IQGAP2: variants seen among roughly 807,000 people sequenced by gnomAD.
IQGAP2 encodes ras GTPase-activating-like protein IQGAP2.
Under a neutral mutation model 201.3 loss-of-function variants are expected in IQGAP2, and 173 were observed. The observed-to-expected ratio is 0.86, with a 90% CI of 0.76 to 0.98. The LOEUF (loss-of-function observed/expected upper bound fraction) is 0.98, where lower values mean the gene tolerates loss of function less well. IQGAP2 is among the 50% of genes least tolerant of loss of function. The probability of loss-of-function intolerance (pLI) is 0.00; values close to 1 mark genes in which losing one functional copy is unlikely to be tolerated. For missense variants in IQGAP2, 1,687 were observed against 1,864.8 expected (o/e 0.90, Z 1.76); for synonymous variants, 675 against 673.9 (o/e 1.00, Z -0.03).
At chr5:76,653,218 C>A (rs2431361) in intron 18 of IQGAP2, among the ~76,000 whole-genome samples, 75,546 of 151,986 alleles carry the variant, frequency 0.5, 19,290 homozygotes, top group Non-Finnish European at 0.56. Context: ...GAACAAAACC[C>A]ATGATAAGAG....
At chr5:76,699,028 A>G (rs916478899) in intron 33 of IQGAP2, among the ~76,000 whole-genome samples, 1 of 152,152 alleles carries the variant, frequency 6.6e-6, no homozygotes, top group Non-Finnish European at 1.5e-5. Context: ...TGTGCAATAC[A>G]TTATTATTAG....
At chr5:76,490,294 G>A (rs1053508009) in intron 2 of IQGAP2, among the ~76,000 whole-genome samples, 15 of 152,164 alleles carry the variant, frequency 9.9e-5, no homozygotes, top group African/African-American at 3.6e-4. Context: ...ACAATATGCA[G>A]TATTCTCAGG....
intron 1 of IQGAP2, among the ~76,000 whole-genome samples, chr5:76,423,126 G>A (rs1421370230): frequency 6.6e-6 from 1 of 152,146 alleles, no homozygotes; most frequent in African/African-American, 2.4e-5. Context: ...TTTCCTGTTT[G>A]TTCCTGCTAT....
intron 1 of IQGAP2, among the ~76,000 whole-genome samples, chr5:76,409,306 A>G (rs9293684): frequency 0.75 from 106,929 of 143,034 alleles, 40,701 homozygotes; most frequent in East Asian, 0.99. Context: ...GAGTGCAGTG[A>G]CATGATCTCA....
chr5:76,637,962 T>C (rs1279066052), intron 16 of IQGAP2, among the ~76,000 whole-genome samples: 2 of 152,232 alleles, frequency 1.3e-5, no homozygotes, highest in African/African-American at 4.8e-5. Flanking sequence ...TTGAAAGCTT[T>C]CTTCTACCAG....
intron 28 of IQGAP2, among the ~76,000 whole-genome samples, chr5:76,678,980 A>G (rs1198485208): frequency 1.3e-5 from 2 of 152,170 alleles, no homozygotes; most frequent in South Asian, 2.1e-4. Flanking sequence ...TCTTTTCTCT[A>G]TATATGAACA....
intron 14 of IQGAP2, among the ~76,000 whole-genome samples, chr5:76,629,300 T>C (rs77084797): frequency 6.6e-6 from 1 of 152,246 alleles, no homozygotes; most frequent in African/African-American, 2.4e-5. Flanking sequence ...ACATTCTTCA[T>C]TATTTGCATG....
chr5:76,657,857 G>T (rs750634906), intron 20 of IQGAP2, among the ~76,000 whole-genome samples: 26 of 152,204 alleles, frequency 1.7e-4, no homozygotes, highest in Non-Finnish European at 3.5e-4. Context: ...GTGCTCAAAG[G>T]ACAAGGGCCA....
At chr5:76,586,323 A>G (rs1425576349) in intron 5 of IQGAP2, among the ~76,000 whole-genome samples, 2 of 152,056 alleles carry the variant, frequency 1.3e-5, no homozygotes, top group Admixed American at 1.3e-4. Context: ...GAAATTTAGT[A>G]TTAAAACTAA....
intron 1 of IQGAP2, among the ~76,000 whole-genome samples, chr5:76,458,441 T>C (rs1561386838): frequency 6.6e-6 from 1 of 152,244 alleles, no homozygotes; most frequent in African/African-American, 2.4e-5. Context: ...CAGAAATATT[T>C]GCAGGCAGTC....
chr5:76,676,079 A>T (rs10063078), intron 27 of IQGAP2, among the ~76,000 whole-genome samples: 6,005 of 38,628 alleles, frequency 0.16, 130 homozygotes, highest in African/African-American at 0.26. Context: ...AGACTCTGTC[A>T]CACACACACA....
At chr5:76,476,438 C>G (rs532567247) in intron 2 of IQGAP2, among the ~76,000 whole-genome samples, 1 of 152,144 alleles carries the variant, frequency 6.6e-6, no homozygotes, top group South Asian at 2.1e-4. Flanking sequence ...AACAACCACC[C>G]CTGGAGTGGG....
At chr5:76,685,634 G>A (rs1362165420) in intron 30 of IQGAP2, among the ~76,000 whole-genome samples, 1 of 152,152 alleles carries the variant, frequency 6.6e-6, no homozygotes, top group Non-Finnish European at 1.5e-5. Flanking sequence ...TGGGAAACCT[G>A]GGACATTGTC....
intron 9 of IQGAP2, among the ~76,000 whole-genome samples, chr5:76,594,117 G>A (rs1401772560): frequency 6.6e-6 from 1 of 152,056 alleles, no homozygotes; most frequent in Admixed American, 6.6e-5. Context: ...TTATTCTTGT[G>A]AAATCTTGAA....
At chr5:76,684,645 G>T (rs887172371) in intron 30 of IQGAP2, among the ~76,000 whole-genome samples, 20 of 152,166 alleles carry the variant, frequency 1.3e-4, no homozygotes, top group African/African-American at 4.8e-4. Context: ...GTTATGTATT[G>T]GGGTGAGATG....
chr5:76,446,413 A>C (rs1310337025), intron 1 of IQGAP2, among the ~76,000 whole-genome samples: 2 of 152,184 alleles, frequency 1.3e-5, no homozygotes, highest in Admixed American at 6.5e-5. Flanking sequence ...ACCAGCAGTC[A>C]TATATCCAGT....
At chr5:76,534,739 C>G (rs1730876934) in intron 2 of IQGAP2, among the ~76,000 whole-genome samples, 1 of 152,228 alleles carries the variant, frequency 6.6e-6, no homozygotes. Flanking sequence ...TTCTCTACAT[C>G]TCCCCATTAT....
In IQGAP2 at chr5:76,707,535, G is replaced by A. The variant is rs968226236; in HGVS notation, c.*222G>A. 2 of 485,164 alleles carry A rather than the reference G, an allele frequency of 4.1e-6. No individual in the cohort carries two copies. The highest frequency in any genetic ancestry group is 4.0e-5 in the African/African-American group (2 of 50,232). The allele number at this position is 485,164 out of a possible 1,614,324, so 30.1% of individuals were successfully genotyped here. A position where few individuals can be genotyped will look rare whatever the true frequency, so the allele number is the denominator to read the frequency against. On this transcript the variant is annotated 3_prime_UTR_variant, in exon 36 of 36. Transcript: ENST00000274364. ...GAATTAATGGAAACATATCCACACT[G>A]TACTGTGATATAGGTACTCTGATTT...
At chr5:76,427,063 C>T (rs1408063652) in intron 1 of IQGAP2, among the ~76,000 whole-genome samples, 1 of 152,056 alleles carries the variant, frequency 6.6e-6, no homozygotes, top group Non-Finnish European at 1.5e-5. Context: ...GGTTTCTCAG[C>T]CTCAGCACTG....
Sources: gnomAD v4.1 joint callset for allele counts (sites outside exome capture counted in the v4.1 genomes callset) on GRCh38, gnomAD v4.1.1 for gene constraint, MANE v1.5 for transcripts, NCBI Gene and HGNC (gene_info 2026-07-23, HGNC 2026-07-21) for gene names.